BCAS3: variants seen among roughly 807,000 people sequenced by gnomAD.
BCAS3 encodes the protein BCAS3 microtubule associated cell migration factor.
In BCAS3, 53 loss-of-function variants were observed where a neutral mutation model predicts 116.1. The ratio of observed to expected loss-of-function variants is 0.46; its 90% confidence interval spans 0.37 to 0.57. The LOEUF (loss-of-function observed/expected upper bound fraction) is 0.57. Ranked by LOEUF, BCAS3 falls within the 20% of genes least tolerant of loss-of-function variation. BCAS3 has a pLI of 0.00. For missense variants in BCAS3, 917 were observed against 1,165.4 expected, an observed-to-expected ratio of 0.79 and a Z score of 3.10; for synonymous variants, 391 against 408.2, an observed-to-expected ratio of 0.96 and a Z score of 0.51.
chr17:61,230,496 A>C (rs540411529), intron 22 of BCAS3, among the ~76,000 whole-genome samples: 1 of 152,030 alleles, frequency 6.6e-6, no homozygotes, highest in East Asian at 1.9e-4. Context: ...TATTGTTCCC[A>C]TGTTTATGCC....
intron 6 of BCAS3, among the ~76,000 whole-genome samples, chr17:60,802,317 T>G (rs1378361651): frequency 6.9e-6 from 1 of 145,110 alleles, no homozygotes; most frequent in East Asian, 2.0e-4. Flanking sequence ...TATATATATA[T>G]GCACACACAT....
chr17:60,769,617 G>A (rs946797769), intron 6 of BCAS3, among the ~76,000 whole-genome samples: 2 of 152,168 alleles, frequency 1.3e-5, no homozygotes, highest in East Asian at 3.9e-4. Flanking sequence ...TGGTTGTGGG[G>A]AATGCAGTTT....
At position 61,244,503 on chromosome 17, in the gene BCAS3, T is replaced by C. The variant is rs1189050803; in HGVS notation, c.2426-123824T>C. Among the ~76,000 whole-genome samples the C allele has an allele frequency of 6.6e-6, 1 of 152,166 alleles. No homozygotes were observed. Among genetic ancestry groups the C allele is most frequent in the Non-Finnish European group, 1.5e-5 (1 of 68,030 alleles). On this transcript the variant is annotated intron_variant, in intron 22 of 23. Transcript: ENST00000407086. The surrounding 1 kb of genome is among the most constrained non-coding windows in gnomAD (Gnocchi z 4.9). ...GAATAACAATAGGTAAAATTCAGAG[T>C]ATTATTTTAATTTACTGTTAAAATT...
In BCAS3 at chr17:60,814,302, T is replaced by TGCAC. The variant is rs58998607; in HGVS notation, c.476+6227_476+6228insCACG. Among the ~76,000 whole-genome samples, 551 of 138,840 alleles carry TGCAC rather than the reference T, an allele frequency of 4.0e-3. 5 individuals carry two copies. Among genetic ancestry groups the TGCAC allele is most frequent in the African/African-American group, 0.016 (525 of 33,846 alleles). 91.1% of individuals were successfully genotyped at this position (138,840 alleles called of 152,430 possible). On this transcript the variant is annotated intron_variant, in intron 7 of 23. Transcript: ENST00000407086. ...GTGTGTGTGTGTGTGTGTGTGTGTG[T>TGCAC]GTGTGCGCGCGTGCCCATTGCAAAT...
At chr17:60,835,576 A>G (rs2051298853) in intron 7 of BCAS3, among the ~76,000 whole-genome samples, 1 of 151,974 alleles carries the variant, frequency 6.6e-6, no homozygotes, top group Admixed American at 6.6e-5. Flanking sequence ...ATTAAAGATT[A>G]AAGTGTTCCT....
chr17:61,385,473 T>TCTC (rs1351031032), intron 23 of BCAS3, among the ~76,000 whole-genome samples: 1 of 152,166 alleles, frequency 6.6e-6, no homozygotes, highest in Non-Finnish European at 1.5e-5. Flanking sequence ...GACCCGCTGG[T>TCTC]CTCCTCTTCA....
chr17:60,784,213 A>C (rs909277502), intron 6 of BCAS3, among the ~76,000 whole-genome samples: 4 of 149,820 alleles, frequency 2.7e-5, no homozygotes, highest in Admixed American at 2.6e-4. Context: ...GAAAGGGTCT[A>C]TATGTAAAAT....
intron 6 of BCAS3, among the ~76,000 whole-genome samples, chr17:60,790,615 A>G (rs2046673713): frequency 6.6e-6 from 1 of 152,058 alleles, no homozygotes; most frequent in Non-Finnish European, 1.5e-5. Context: ...GAACAAACCT[A>G]TTCTTGATGC....
At chr17:61,353,388 G>T (rs2057969791) in intron 22 of BCAS3, among the ~76,000 whole-genome samples, 1 of 152,140 alleles carries the variant, frequency 6.6e-6, no homozygotes, top group Admixed American at 6.5e-5. Context: ...TCTGGGGAGG[G>T]GTCTGAGCAG....
Position 60,703,930 on chromosome 17 carries a change from A to AAG in BCAS3, c.215-5288_215-5287insGA, listed in dbSNP as rs1392580206. Among the ~76,000 whole-genome samples the AAG allele has an allele frequency of 2.0e-3, 303 of 147,974 alleles. 2 individuals carry two copies. The highest frequency in any genetic ancestry group is 7.4e-3 in the African/African-American group (283 of 38,168). ...AGACACCGTCTCAAAAAAAAAAAAG[A>AAG]AAAAAAGAAAAAAAAAAGAAAGACT... On this transcript the variant is annotated intron_variant, in intron 4 of 23. Coordinates refer to ENST00000407086, the MANE Select transcript of BCAS3 (RefSeq NM_017679.5).
At chr17:60,977,484 C>T (rs1461498901) in intron 14 of BCAS3, among the ~76,000 whole-genome samples, 2 of 150,476 alleles carry the variant, frequency 1.3e-5, no homozygotes, top group Admixed American at 1.3e-4. Flanking sequence ...GGCGGAAGCA[C>T]TTTCTTTTTA....
intron 4 of BCAS3, among the ~76,000 whole-genome samples, chr17:60,701,816 A>AAAG (rs2036442148): frequency 6.6e-6 from 1 of 151,050 alleles, no homozygotes; most frequent in African/African-American, 2.4e-5. Flanking sequence ...AAAAAAAAAA[A>AAAG]AAAAAGAAAA....
chr17:61,383,571 CG>C (rs986886450), intron 23 of BCAS3: 1 of 152,422 alleles, frequency 6.6e-6, no homozygotes, highest in African/African-American at 2.4e-5. Flanking sequence ...AAATGGAACA[CG>C]GGGGTGGGGG....
chr17:60,807,915 C>T lies in BCAS3; in HGVS notation c.404-89C>T, dbSNP rs748426773. The T allele has an allele frequency of 7.0e-4, 625 of 889,108 alleles. 1 individual carries two copies. The highest frequency in any genetic ancestry group is 9.7e-4 in the Non-Finnish European group (555 of 572,506). 55.1% of individuals were successfully genotyped at this position (889,108 alleles called of 1,614,324 possible). On this transcript the variant is annotated intron_variant, in intron 6 of 23. Transcript: ENST00000407086. The stretch of plus-strand genomic sequence containing the variant: ...TGTCAACTTATAATGAATACTTCTC[C>T]TTTTCAAGTATTTTGAAAGCATGAA...
At chr17:61,293,599 C>G (rs2052640223) in intron 22 of BCAS3, among the ~76,000 whole-genome samples, 1 of 152,110 alleles carries the variant, frequency 6.6e-6, no homozygotes, top group Non-Finnish European at 1.5e-5. Flanking sequence ...ATGGACCCAG[C>G]CATTTCTAAG....
rs2073916890 is a variant in BCAS3 at position 61,095,617 on chromosome 17, C to A, written c.2425+11053C>A. On this transcript the variant is annotated intron_variant, in intron 22 of 23. Coordinates refer to ENST00000407086, the MANE Select transcript of BCAS3 (RefSeq NM_017679.5). The surrounding 1 kb of genome is among the most constrained non-coding windows in gnomAD (Gnocchi z 4.7). The stretch of plus-strand genomic sequence containing the variant: ...GAGTAGCTGGGACTCCAGGCATGCA[C>A]CACCATGCCCGGCTAATTTTTGTAT... Among the ~76,000 whole-genome samples, 1 of 151,986 alleles carries A rather than the reference C, an allele frequency of 6.6e-6. No homozygotes were observed. Among genetic ancestry groups the A allele is most frequent in the African/African-American group, 2.4e-5 (1 of 41,370 alleles).
At chr17:60,835,334 C>T (rs950804928) in intron 7 of BCAS3, among the ~76,000 whole-genome samples, 1 of 152,112 alleles carries the variant, frequency 6.6e-6, no homozygotes, top group South Asian at 2.1e-4. Flanking sequence ...ATATTATCTA[C>T]TACATGAATA....
At chr17:60,764,555 G>A (rs8080736) in intron 6 of BCAS3, among the ~76,000 whole-genome samples, 6,728 of 152,260 alleles carry the variant, frequency 0.044, 476 homozygotes, top group African/African-American at 0.15. Flanking sequence ...ACTGTGGTCT[G>A]AGAGACAGTT....
chr17:60,867,108 G>GT (rs1440805985), intron 7 of BCAS3, among the ~76,000 whole-genome samples: 7 of 144,324 alleles, frequency 4.9e-5, no homozygotes, highest in African/African-American at 1.9e-4. Context: ...AGGTTTTTTT[G>GT]TTTTTGTTTT....
Sources: gnomAD v4.1 joint callset for allele counts (sites outside exome capture counted in the v4.1 genomes callset) on GRCh38, gnomAD v4.1.1 for gene constraint, Gnocchi (gnomAD v3.1) non-coding constraint, MANE v1.5 for transcripts, NCBI Gene and HGNC (gene_info 2026-07-23, HGNC 2026-07-21) for gene names.